The following ZNF568 variants were observed in gnomAD, a reference collection of about 807,000 sequenced individuals.
ZNF568 encodes zinc finger protein 568.
In ZNF568, 11 loss-of-function variants were observed where a neutral mutation model predicts 18.1. The ratio of observed to expected loss-of-function variants is 0.61; its 90% CI spans 0.38 to 1.00. The LOEUF (loss-of-function observed/expected upper bound fraction) is 1.00. ZNF568 is among the 50% of genes least tolerant of loss of function. ZNF568 has a pLI of 0.01. For synonymous variants in ZNF568, 213 were observed against 246.6 expected (o/e 0.86, Z 1.28); for missense variants, 639 against 768.2 (o/e 0.83, Z 1.99).
intron 4 of ZNF568, among the ~76,000 whole-genome samples, chr19:36,934,331 CAG>C (rs1162051402): frequency 7.8e-5 from 11 of 140,646 alleles, no homozygotes; most frequent in Non-Finnish European, 1.5e-4. Context: ...TTAATTGAGG[CAG>C]AGTCTCACTC....
downstream of ZNF568, among the ~76,000 whole-genome samples, chr19:36,953,156 A>G (rs550465388): frequency 2.7e-4 from 41 of 152,290 alleles, no homozygotes; most frequent in Admixed American, 1.6e-3. Flanking sequence ...TTAGACAGCA[A>G]ATTTATTAGG....
chr19:36,927,903 ATTTTTTTTTTTT>A (rs71177414), intron 4 of ZNF568, among the ~76,000 whole-genome samples: 9 of 26,614 alleles, frequency 3.4e-4, no homozygotes, highest in African/African-American at 1.8e-3. Context: ...ATATATATAT[ATTTTTTTTTTTT>A]TTTTTTTTTT....
In ZNF568 at chr19:36,950,741, T is replaced by C; in HGVS notation, c.1588T>C (p.Tyr530His). 6.2e-7 allele frequency: 1 copy of C among 1,613,710 alleles called. No homozygotes were observed. Among genetic ancestry groups the C allele is most frequent in the Non-Finnish European group, 8.5e-7 (1 of 1,179,966 alleles). The change falls in exon 7 of 7, where the codon TAT becomes CAT. Residue 530 changes from tyrosine to histidine, a missense_variant. Coordinates refer to ENST00000333987, the MANE Select transcript of ZNF568 (RefSeq NM_198539.4). ...HEKIHTGEKP[Y>H]HCNQCGKAFS... ...GAAAATTCATACTGGAGAGAAACCT[T>C]ATCATTGTAATCAATGTGGGAAAGC...
At chr19:36,922,454 C>T (rs2073473621) in intron 2 of ZNF568, 132 bp from the exon 3 acceptor site, 1 of 238,540 alleles carries the variant, frequency 4.2e-6, no homozygotes, top group East Asian at 8.5e-5. Context: ...CAAAGGTACT[C>T]ATGGTGGGAG....
At chr19:36,926,793 T>C (rs1450664895) in intron 4 of ZNF568, among the ~76,000 whole-genome samples, 1 of 152,006 alleles carries the variant, frequency 6.6e-6, no homozygotes, top group African/African-American at 2.4e-5. Flanking sequence ...CAGACGTCTA[T>C]GAAGTACATA....
intron 6 of ZNF568, among the ~76,000 whole-genome samples, chr19:36,965,964 TGCTGGGATTACAGGCGTGA>T (rs2074191547): frequency 6.6e-6 from 1 of 151,758 alleles, no homozygotes; most frequent in Non-Finnish European, 1.5e-5. Flanking sequence ...CCTCCCAAAG[TGCTGGGATTACAGGCGTGA>T]GCCATAGCAC....
intron 4 of ZNF568, among the ~76,000 whole-genome samples, chr19:36,995,157 G>A (rs1207228363): frequency 1.3e-5 from 2 of 152,172 alleles, no homozygotes; most frequent in East Asian, 3.9e-4. Flanking sequence ...CAGCACTTTG[G>A]AAGGCCGAGG....
intron 6 of ZNF568, among the ~76,000 whole-genome samples, chr19:36,945,521 T>C (rs1365181288): frequency 6.6e-6 from 1 of 152,166 alleles, no homozygotes; most frequent in African/African-American, 2.4e-5. Context: ...ATGCAGCATA[T>C]AATACATATA....
downstream of ZNF568, among the ~76,000 whole-genome samples, chr19:36,957,324 C>T (rs778322091): frequency 8.2e-5 from 12 of 146,354 alleles, no homozygotes; most frequent in East Asian, 2.1e-4. Flanking sequence ...CTCTGCCTCC[C>T]GGGTTAAGCG....
intron 4 of ZNF568, among the ~76,000 whole-genome samples, chr19:36,932,595 GA>G (rs374417319): frequency 9.5e-5 from 14 of 147,296 alleles, no homozygotes; most frequent in African/African-American, 2.5e-4. Context: ...TCCGTCCCCA[GA>G]AAAAAAAAAC....
chr19:36,993,050 G>A (rs2074439467), intron 4 of ZNF568, among the ~76,000 whole-genome samples: 1 of 152,060 alleles, frequency 6.6e-6, no homozygotes, highest in Non-Finnish European at 1.5e-5. Flanking sequence ...GTAGACATTT[G>A]GGTTGTTTCT....
At position 36,925,229 on chromosome 19, in the gene ZNF568, G is replaced by A. The variant is rs1337345861; in HGVS notation, c.106G>A (p.Glu36Lys). ...AWCSQESALS[E>K]EEEDTTRPLE... ...GTGTTCTCAAGAGTCTGCCCTTTCC[G>A]AGGAAGAAGAGGATACAACCAGGCC... The change falls in exon 4 of 7, where the codon GAG becomes AAG. Residue 36 changes from glutamate (E) to lysine (K), a missense_variant. Transcript: ENST00000333987. The A allele has an allele frequency of 4.3e-6, 7 of 1,613,894 alleles. No homozygotes were observed. Among genetic ancestry groups the A allele is most frequent in the Non-Finnish European group, 5.1e-6 (6 of 1,179,966 alleles).
At chr19:36,974,273 C>T (rs1375476) in intron 6 of ZNF568, 333,465 of 645,494 alleles carry the variant, frequency 0.52, 88,406 homozygotes, top group African/African-American at 0.66. Flanking sequence ...ACCTGCATTT[C>T]TTTGTGAGGA....
chr19:36,968,868 T>TC (rs989694227), intron 6 of ZNF568, among the ~76,000 whole-genome samples: 2 of 151,672 alleles, frequency 1.3e-5, no homozygotes, highest in African/African-American at 4.8e-5. Context: ...GTTCTTTTTT[T>TC]TTTTCTTTTC....
At chr19:36,972,073 T>C (rs1390595265) in intron 6 of ZNF568, among the ~76,000 whole-genome samples, 3 of 152,102 alleles carry the variant, frequency 2.0e-5, no homozygotes, top group Non-Finnish European at 2.9e-5. Context: ...GACCTCGTGA[T>C]CCGCCCGCCT....
chr19:36,946,683 G>A (rs551239194), intron 6 of ZNF568, among the ~76,000 whole-genome samples: 33 of 108,460 alleles, frequency 3.0e-4, no homozygotes, highest in Non-Finnish European at 4.5e-4. Flanking sequence ...ATGGAGTTTC[G>A]CTCTTGTTGC....
intron 2 of ZNF568, among the ~76,000 whole-genome samples, chr19:36,985,887 A>G (rs2074372362): frequency 6.6e-6 from 1 of 152,036 alleles, no homozygotes. Context: ...AACCATTTTC[A>G]AGTGCATAGT....
downstream of ZNF568, among the ~76,000 whole-genome samples, chr19:36,953,999 C>G (rs768263662): frequency 6.6e-6 from 1 of 151,942 alleles, no homozygotes; most frequent in Non-Finnish European, 1.5e-5. Flanking sequence ...CTAGGCGGGC[C>G]GATTACTTGA....
chr19:36,985,028 C>A (rs1600854984), intron 2 of ZNF568, among the ~76,000 whole-genome samples: 2 of 152,048 alleles, frequency 1.3e-5, no homozygotes, highest in East Asian at 3.8e-4. Context: ...TTAATTCTTT[C>A]TCTTTTCTCC....
Sources: gnomAD v4.1 joint callset for allele counts (sites outside exome capture counted in the v4.1 genomes callset) on GRCh38, gnomAD v4.1.1 for gene constraint, MANE v1.5 for transcripts, NCBI Gene and HGNC (gene_info 2026-07-23, HGNC 2026-07-21) for gene names.